The following BACE2 variants were observed in gnomAD, a reference collection of about 807,000 sequenced individuals.
BACE2 encodes the protein 56 kDa aspartic-like protease.
A neutral mutation model predicts 46.2 loss-of-function variants in BACE2; 17 were observed. That is an observed-to-expected ratio of 0.37 (90% CI 0.25 to 0.55). The LOEUF is 0.55. Ranked by LOEUF, BACE2 falls within the 20% of genes least tolerant of loss-of-function variation. The pLI is 0.82. For synonymous variants in BACE2, 277 were observed against 295.9 expected, an observed-to-expected ratio of 0.94 and a Z score of 0.66; for missense variants, 595 against 698.1, an observed-to-expected ratio of 0.85 and a Z score of 1.66.
intron 8 of BACE2, among the ~76,000 whole-genome samples, chr21:41,275,017 A>G (rs2088469760): frequency 6.6e-6 from 1 of 152,068 alleles, no homozygotes; most frequent in Non-Finnish European, 1.5e-5. Context: ...CACAACCCAC[A>G]CAGCTGTCAT....
rs1200891881 is a variant in BACE2 at position 41,282,019 on chromosome 21, A to G, written c.*6395A>G. On this transcript the variant is annotated 3_prime_UTR_variant, in exon 9 of 9. Coordinates refer to ENST00000330333, the MANE Select transcript of BACE2 (RefSeq NM_012105.5). ...TTGTTAAAAATTCTTAAAGTTTAATATGTTATGTTCAGTCATTGAAAGCGA... is the reference window on the plus strand; with the variant it reads ...TTGTTAAAAATTCTTAAAGTTTAATGTGTTATGTTCAGTCATTGAAAGCGA... 1.3e-5 allele frequency: 2 copies of G among 152,202 alleles called. No homozygotes were observed. Among genetic ancestry groups the G allele is most frequent in the African/African-American group, 4.8e-5 (2 of 41,450 alleles). The allele number at this position is 152,202 out of a possible 1,614,324, so 9.4% of individuals were successfully genotyped here.
intron 1 of BACE2, among the ~76,000 whole-genome samples, chr21:41,188,513 CTG>C (rs1985455747): frequency 1.3e-5 from 2 of 152,126 alleles, no homozygotes. Context: ...GAAGTCATGC[CTG>C]TGTCTAGAGT....
At chr21:41,194,408 G>A (rs771122473) in intron 1 of BACE2, among the ~76,000 whole-genome samples, 19 of 152,114 alleles carry the variant, frequency 1.2e-4, no homozygotes, top group Non-Finnish European at 2.1e-4. Context: ...TTCTCAGCTC[G>A]CTTTCCTCTG....
At chr21:41,176,440 G>GCCTGTCTGC in intron 1 of BACE2, 1 of 152,198 alleles carries the variant, frequency 6.6e-6, no homozygotes, top group South Asian at 2.1e-4. Flanking sequence ...TCTGCACTAG[G>GCCTGTCTGC]ACCTGAGAAT....
At chr21:41,256,107 A>G (rs1056047837) in intron 7 of BACE2, among the ~76,000 whole-genome samples, 1 of 150,642 alleles carries the variant, frequency 6.6e-6, no homozygotes, top group African/African-American at 2.4e-5. Flanking sequence ...TAATACATAT[A>G]TACTTTAAGT....
rs189471818 is a variant in BACE2 at position 41,230,416 on chromosome 21, C to T, written c.401+4062C>T. 6.9e-3 allele frequency among the ~76,000 whole-genome samples: 1,044 copies of T among 152,324 alleles called. 34 individuals carry two copies. Among genetic ancestry groups the T allele is most frequent in the Admixed American group, 0.055 (840 of 15,308 alleles). The stretch of plus-strand genomic sequence containing the variant: ...GTATAATTAATTTGTCTAATGCTTT[C>T]GTGTAACTTTAGAGCTGGCCTAAGT... On this transcript the variant is annotated intron_variant, in intron 2 of 8. Coordinates refer to ENST00000330333, the MANE Select transcript of BACE2 (RefSeq NM_012105.5).
At chr21:41,256,604 T>C (rs1987793992) in intron 7 of BACE2, among the ~76,000 whole-genome samples, 1 of 152,174 alleles carries the variant, frequency 6.6e-6, no homozygotes, top group Non-Finnish European at 1.5e-5. Flanking sequence ...TTAGATAAAC[T>C]TAACCAATTA....
chr21:41,173,324 G>A (rs1400027077), intron 1 of BACE2, among the ~76,000 whole-genome samples: 2 of 152,198 alleles, frequency 1.3e-5, no homozygotes, highest in African/African-American at 4.8e-5. Context: ...GTGCTGTATT[G>A]ATATGAAGCC....
chr21:41,272,969 A>C (rs1046573001), intron 8 of BACE2, among the ~76,000 whole-genome samples: 2 of 152,220 alleles, frequency 1.3e-5, no homozygotes, highest in Non-Finnish European at 2.9e-5. Flanking sequence ...GGTCTGAGAA[A>C]TAAAGGGAAA....
intron 1 of BACE2, among the ~76,000 whole-genome samples, chr21:41,219,918 C>G (rs1010920767): frequency 1.3e-5 from 2 of 152,194 alleles, no homozygotes; most frequent in South Asian, 4.1e-4. Context: ...TAGTTCAGTT[C>G]CTACACTGTC....
chr21:41,248,753 G>A (rs9981553), intron 6 of BACE2, among the ~76,000 whole-genome samples: 1 of 152,070 alleles, frequency 6.6e-6, no homozygotes, highest in African/African-American at 2.4e-5. Flanking sequence ...AGTGCGCGTG[G>A]TTACGTGGCA....
intron 1 of BACE2, among the ~76,000 whole-genome samples, chr21:41,197,422 A>G (rs922789243): frequency 1.2e-4 from 18 of 152,258 alleles, no homozygotes; most frequent in Non-Finnish European, 1.8e-4. Context: ...ATTGAAAAAA[A>G]TAAACACAAA....
At chr21:41,257,680 T>C (rs1187233275) in intron 8 of BACE2, among the ~76,000 whole-genome samples, 1 of 152,302 alleles carries the variant, frequency 6.6e-6, no homozygotes, top group East Asian at 1.9e-4. Flanking sequence ...GCCGTGTACA[T>C]TTATTTGTCC....
In BACE2 at chr21:41,246,065, T is replaced by A; in HGVS notation, c.984+2T>A. On this transcript the variant is annotated splice_donor_variant, in intron 6 of 8. Coordinates refer to ENST00000330333, the MANE Select transcript of BACE2 (RefSeq NM_012105.5). LOFTEE classifies it high-confidence loss of function. Reference sequence around the variant, plus strand: ...GAAGCTGTGGCCCGCGCATCTCTGGTGAGTCCTCGGGACACTCACGGGTCC... The same window carrying A: ...GAAGCTGTGGCCCGCGCATCTCTGGAGAGTCCTCGGGACACTCACGGGTCC... 1 of 1,595,874 alleles carries A rather than the reference T, an allele frequency of 6.3e-7. No individual in the cohort carries two copies.
At position 41,257,212 on chromosome 21, in the gene BACE2, G is replaced by A. The variant is rs371508139; in HGVS notation, c.1189G>A (p.Gly397Ser). 1.3e-4 allele frequency: 213 copies of A among 1,614,006 alleles called. No individual in the cohort carries two copies. The highest frequency in any genetic ancestry group is 3.3e-4 in the South Asian group (30 of 91,072). ...AGLNYECYRF[G>S]ISPSTNALVI... is the part of the protein sequence containing the mutation. Reference sequence around the variant, plus strand: ...CCTGAATTATGAATGTTACCGATTCGGCATTTCCCCATCCACAAATGCGCT... The same window carrying A: ...CCTGAATTATGAATGTTACCGATTCAGCATTTCCCCATCCACAAATGCGCT... Residue 397 changes from glycine to serine, a missense_variant, in exon 8 of 9, where the codon GGC becomes AGC. By Grantham distance (56) the Gly-to-Ser change is moderately conservative. Coordinates refer to ENST00000330333, the MANE Select transcript of BACE2 (RefSeq NM_012105.5).
rs569688843 is a variant in BACE2, at chr21:41,278,851, G to A, written c.*3227G>A. 3.9e-5 allele frequency: 6 copies of A among 152,162 alleles called. No individual in the cohort carries two copies. The highest frequency in any genetic ancestry group is 2.1e-4 in the South Asian group (1 of 4,820). 9.4% of individuals were successfully genotyped at this position (152,162 alleles called of 1,614,324 possible). A position where few individuals can be genotyped will look rare whatever the true frequency, so the allele number is the denominator to read the frequency against. On this transcript the variant is annotated 3_prime_UTR_variant, in exon 9 of 9. Coordinates refer to ENST00000330333, the MANE Select transcript of BACE2 (RefSeq NM_012105.5). ...CACTCGATATCATTGGGAATAAATC[G>A]TTGTTCAACAGTCTGTTCCACAAAC...
rs535793889 is a variant in BACE2 at position 41,220,434 on chromosome 21, G to T, written c.313-5832G>T. Among the ~76,000 whole-genome samples the T allele has an allele frequency of 2.6e-5, 4 of 152,100 alleles. No individual in the cohort carries two copies. In the East Asian group the frequency reaches 7.7e-4, roughly 29 times the overall value. ...CCCGCCTTGCTCTTTCTGGTGACCA[G>T]CCCCCATCCCGAAGCTACCTAGGGG... On this transcript the variant is annotated intron_variant, in intron 1 of 8. Coordinates refer to ENST00000330333, the MANE Select transcript of BACE2 (RefSeq NM_012105.5).
At chr21:41,271,056 T>A (rs1214525710) in intron 8 of BACE2, among the ~76,000 whole-genome samples, 1 of 152,232 alleles carries the variant, frequency 6.6e-6, no homozygotes, top group African/African-American at 2.4e-5. Flanking sequence ...ATGAAACTAC[T>A]ATATTTACTT....
intron 1 of BACE2, among the ~76,000 whole-genome samples, chr21:41,211,209 G>A (rs77583086): frequency 0.028 from 4,065 of 146,738 alleles, 186 homozygotes; most frequent in African/African-American, 0.099. Flanking sequence ...CGTCCACTTG[G>A]CAGCTGTGGT....
Sources: allele counts gnomAD v4.1 joint callset (sites outside exome capture counted in the v4.1 genomes callset), GRCh38; gene constraint gnomAD v4.1.1; transcripts MANE v1.5; gene names NCBI Gene and HGNC (gene_info 2026-07-23, HGNC 2026-07-21).